The following INPP5F variants were observed in gnomAD, a reference collection of about 807,000 sequenced individuals.
INPP5F encodes phosphatidylinositide 4-phosphatase SAC2.
In INPP5F, 97 loss-of-function variants were observed where a neutral mutation model predicts 137.2. The ratio of observed to expected loss-of-function variants is 0.71; its 90% CI spans 0.60 to 0.84. The LOEUF (loss-of-function observed/expected upper bound fraction) is 0.84. INPP5F is among the 40% of genes least tolerant of loss of function. The pLI, the probability that INPP5F is intolerant of heterozygous loss-of-function variation, is 0.00. For synonymous variants in INPP5F, 504 were observed against 476.9 expected (o/e 1.06, Z -0.74); for missense variants, 1,271 against 1,371.9 (o/e 0.93, Z 1.16).
At chr10:119,790,566 A>G (rs184895703) in intron 3 of INPP5F, among the ~76,000 whole-genome samples, 1 of 152,274 alleles carries the variant, frequency 6.6e-6, no homozygotes, top group Admixed American at 6.5e-5. Context: ...CTCTCTCTCA[A>G]TCAAAGCTTA....
intron 2 of INPP5F, among the ~76,000 whole-genome samples, chr10:119,766,882 TC>T (rs1173418165): frequency 6.6e-6 from 1 of 152,026 alleles, no homozygotes; most frequent in Non-Finnish European, 1.5e-5. Context: ...GGCTGGCAGA[TC>T]ACCTGAGGTC....
chr10:119,772,224 C>T (rs1268958754), intron 2 of INPP5F, among the ~76,000 whole-genome samples: 1 of 151,728 alleles, frequency 6.6e-6, no homozygotes, highest in Non-Finnish European at 1.5e-5. Flanking sequence ...GGGGACATTA[C>T]CTTTTTCTTT....
At chr10:119,768,272 A>G (rs1332587386) in intron 2 of INPP5F, 1 of 152,238 alleles carries the variant, frequency 6.6e-6, no homozygotes, top group African/African-American at 2.4e-5. Flanking sequence ...ACATACCTGT[A>G]GTCCCAGCTA....
In INPP5F at chr10:119,826,982, T is replaced by A. The variant is rs1338222221; in HGVS notation, c.2601T>A (p.Ser867=). The change falls in exon 20 of 20, where the codon TCT becomes TCA. Residue 867 remains serine, a synonymous_variant. Transcript: ENST00000650623. The part of the protein sequence containing the change: ...SYHSDEFLTN[S]KSDEDRQLAN... Reference sequence around the variant, plus strand: ...ACTCTGATGAATTCCTTACAAATTCTAAGTCTGATGAAGACAGGCAGCTAG... The same window carrying A: ...ACTCTGATGAATTCCTTACAAATTCAAAGTCTGATGAAGACAGGCAGCTAG... 5.6e-6 allele frequency: 9 copies of A among 1,614,048 alleles called. No homozygotes were observed. Among genetic ancestry groups the A allele is most frequent in the East Asian group, 2.2e-5 (1 of 44,894 alleles).
In INPP5F at chr10:119,827,935, A is replaced by G; in HGVS notation, c.*155A>G. On this transcript the variant is annotated 3_prime_UTR_variant, in exon 20 of 20. Transcript: ENST00000650623. Reference sequence around the variant, plus strand: ...GAGTCGGAACCTGAGTAGATTTCCAAATTTTACAGCCAGGACTACAGAAGT... The same window carrying G: ...GAGTCGGAACCTGAGTAGATTTCCAGATTTTACAGCCAGGACTACAGAAGT... 1 of 615,458 alleles carries G rather than the reference A, an allele frequency of 1.6e-6. No homozygotes were observed. The highest frequency in any genetic ancestry group is 2.8e-6 in the Non-Finnish European group (1 of 357,736). The allele number at this position is 615,458 out of a possible 1,614,324, so 38.1% of individuals were successfully genotyped here. A position where few individuals can be genotyped will look rare whatever the true frequency, so the allele number is the denominator to read the frequency against.
At chr10:119,824,066 C>T (rs566826380) in intron 19 of INPP5F, among the ~76,000 whole-genome samples, 164 bp downstream of exon 19, 1 of 152,264 alleles carries the variant, frequency 6.6e-6, no homozygotes, top group South Asian at 2.1e-4. Flanking sequence ...TTTCAACATT[C>T]TTCATGTATA....
Position 119,819,552 on chromosome 10 carries a change from G to A in INPP5F, c.1887-1294G>A, listed in dbSNP as rs559215310. 2.0e-5 allele frequency: 31 copies of A among 1,588,250 alleles called. No homozygotes were observed. The African/African-American group carries it at 2.0e-4, about 10-fold the overall frequency. On this transcript the variant is annotated intron_variant, in intron 15 of 19. Transcript: ENST00000650623. ...TTTCAGAGTGCACGTAAGTATCAAC[G>A]CGTAAAACTTAACATTTTACAGTGT...
intron 1 of INPP5F, among the ~76,000 whole-genome samples, chr10:119,726,900 CCTTTGT>C (rs1325586736): frequency 6.6e-6 from 1 of 152,158 alleles, no homozygotes. Context: ...CGGTTTAAAG[CCTTTGT>C]CTTTGACTTT....
In INPP5F at chr10:119,774,899, T is replaced by C. The variant is rs183036189; in HGVS notation, c.179-6736T>C. ...ACATCTAGAGTCCACGCTTTTTCCATGAGGCTGAGGTTTAGCAAATGAAAA... is the reference window on the plus strand; with the variant it reads ...ACATCTAGAGTCCACGCTTTTTCCACGAGGCTGAGGTTTAGCAAATGAAAA... On this transcript the variant is annotated intron_variant, in intron 2 of 19. Transcript: ENST00000650623. Among the ~76,000 whole-genome samples, 66 of 152,218 alleles carry C rather than the reference T, an allele frequency of 4.3e-4. No individual in the cohort carries two copies. The East Asian group carries it at 5.6e-3, about 13-fold the overall frequency.
Position 119,802,331 on chromosome 10 carries a change from A to G in INPP5F, c.1117-1842A>G, listed in dbSNP as rs144118592. Among the ~76,000 whole-genome samples, 344 of 152,322 alleles carry G rather than the reference A, an allele frequency of 2.3e-3. 3 individuals carry two copies. The highest frequency in any genetic ancestry group is 8.0e-3 in the African/African-American group (333 of 41,564). On this transcript the variant is annotated intron_variant, in intron 9 of 19. Coordinates refer to ENST00000650623, the MANE Select transcript of INPP5F (RefSeq NM_014937.4). Reference sequence around the variant, plus strand: ...AGAATGGCAGAGTAAAGGGATGGAAAGAACCTGTGTCCTTAATGGTATTGG... The same window carrying G: ...AGAATGGCAGAGTAAAGGGATGGAAGGAACCTGTGTCCTTAATGGTATTGG...
At chr10:119,800,788 A>G (rs1589730838) in intron 9 of INPP5F, among the ~76,000 whole-genome samples, 1 of 152,020 alleles carries the variant, frequency 6.6e-6, no homozygotes, top group East Asian at 1.9e-4. Context: ...TTTCTCTACT[A>G]AAAATACAAA....
At chr10:119,765,885 A>AT (rs1276997879) in intron 2 of INPP5F, among the ~76,000 whole-genome samples, 1 of 20,830 alleles carries the variant, frequency 4.8e-5, no homozygotes, top group African/African-American at 1.1e-4. Flanking sequence ...ATATATAGAG[A>AT]GAGAGAGAGA....
chr10:119,774,847 T>G (rs771887941), intron 2 of INPP5F, among the ~76,000 whole-genome samples: 3 of 152,186 alleles, frequency 2.0e-5, no homozygotes, highest in Non-Finnish European at 4.4e-5. Flanking sequence ...TTACAATATG[T>G]ATAGTTAGTT....
intron 3 of INPP5F, among the ~76,000 whole-genome samples, chr10:119,791,011 T>C (rs1302124215): frequency 6.6e-6 from 1 of 152,152 alleles, no homozygotes; most frequent in African/African-American, 2.4e-5. Flanking sequence ...CATGTGAGCG[T>C]AGGAGGAGAG....
At chr10:119,825,575 C>G (rs1262928331) in intron 19 of INPP5F, among the ~76,000 whole-genome samples, 2 of 152,266 alleles carry the variant, frequency 1.3e-5, no homozygotes, top group South Asian at 2.1e-4. Flanking sequence ...ACAAGTGATA[C>G]ATTTTTAACT....
intron 15 of INPP5F, chr10:119,819,353 A>G: frequency 1.6e-6 from 2 of 1,271,548 alleles, no homozygotes; most frequent in Non-Finnish European, 2.0e-6. Context: ...GTTACGTGCC[A>G]AGTGCTTTTT....
At chr10:119,795,259 A>AC (rs552193173) in intron 6 of INPP5F, among the ~76,000 whole-genome samples, 6,895 of 145,506 alleles carry the variant, frequency 0.047, 288 homozygotes, top group South Asian at 0.25. Context: ...CGGGGGGCTG[A>AC]CCCCCCTACC....
In INPP5F at chr10:119,787,608, TAGAA is replaced by T. The variant is rs201799725; in HGVS notation, c.316-3908_316-3905del. ...AGGAAAGAAGGAAGGAAGGAAAGGA[TAGAA>T]GGAAGGAAAGGGAAGGGGGAGGGGA... is the stretch of plus-strand genomic sequence containing the variant. On this transcript the variant is annotated intron_variant, in intron 3 of 19. Coordinates refer to ENST00000650623, the MANE Select transcript of INPP5F (RefSeq NM_014937.4). This position sits in a 1 kb window ranked among gnomAD's most constrained non-coding sequence, Gnocchi z 4.1. 0.059 allele frequency among the ~76,000 whole-genome samples: 7,038 copies of T among 118,908 alleles called. 284 individuals are homozygous for T. Among genetic ancestry groups the T allele is most frequent in the South Asian group, 0.3 (1,198 of 4,020 alleles). 78.0% of individuals were successfully genotyped at this position (118,908 alleles called of 152,430 possible). A position where few individuals can be genotyped will look rare whatever the true frequency, so the allele number is the denominator to read the frequency against.
At chr10:119,811,690 CTCTTT>C (rs1169527208) in intron 14 of INPP5F, 62 bp from the exon 15 acceptor site, 28 of 1,286,288 alleles carry the variant, frequency 2.2e-5, no homozygotes, top group Non-Finnish European at 2.3e-5. Flanking sequence ...GTCTTACATT[CTCTTT>C]TGTTTTTTAA....
Sources: gnomAD v4.1 joint callset for allele counts (sites outside exome capture counted in the v4.1 genomes callset) on GRCh38, gnomAD v4.1.1 for gene constraint, Gnocchi (gnomAD v3.1) non-coding constraint, MANE v1.5 for transcripts, NCBI Gene and HGNC (gene_info 2026-07-23, HGNC 2026-07-21) for gene names.